RTN4RL1: variants seen among roughly 807,000 people sequenced by gnomAD.
The protein encoded by RTN4RL1 is reticulon-4 receptor-like 1.
A neutral mutation model predicts 25.6 loss-of-function variants in RTN4RL1; 7 were observed. The observed-to-expected ratio is 0.27, with a 90% confidence interval of 0.16 to 0.51. The LOEUF is 0.51. Ranked by LOEUF, RTN4RL1 falls within the 20% of genes least tolerant of loss-of-function variation. The pLI, the probability that RTN4RL1 is intolerant of heterozygous loss-of-function variation, is 0.97. For missense variants in RTN4RL1, 500 were observed against 615.6 expected, an observed-to-expected ratio of 0.81 and a Z score of 1.99; for synonymous variants, 297 against 288.2, an observed-to-expected ratio of 1.03 and a Z score of -0.31.
chr17:1,973,472 C>T (rs28475079), intron 1 of RTN4RL1, among the ~76,000 whole-genome samples: 37,177 of 149,542 alleles, frequency 0.25, 4,872 homozygotes, highest in Middle Eastern at 0.32. Flanking sequence ...GAGCCGGGAT[C>T]GCGCCATTGC....
Position 1,998,566 on chromosome 17 carries a change from G to A in RTN4RL1, c.13+26287C>T, listed in dbSNP as rs927817209. On this transcript the variant is annotated intron_variant, in intron 1 of 1. Coordinates refer to ENST00000331238, the MANE Select transcript of RTN4RL1 (RefSeq NM_178568.4). This position sits in a 1 kb window ranked among gnomAD's most constrained non-coding sequence, Gnocchi z 4.9. ...CTGCCGGATCCCCGGCGGCTTTCCT[G>A]CCCCCACTTTACAGACGTGAACGCT... Among the ~76,000 whole-genome samples the A allele has an allele frequency of 6.6e-6, 1 of 152,110 alleles. No homozygotes were observed. The highest frequency in any genetic ancestry group is 1.5e-5 in the Non-Finnish European group (1 of 68,006).
intron 1 of RTN4RL1, among the ~76,000 whole-genome samples, chr17:1,976,999 G>A (rs1301233727): frequency 6.6e-6 from 1 of 152,090 alleles, no homozygotes; most frequent in Admixed American, 6.5e-5. Context: ...TTACCATTGT[G>A]GCCTCTCAGA....
At chr17:2,000,713 T>C (rs1459701781) in intron 1 of RTN4RL1, among the ~76,000 whole-genome samples, 1 of 151,708 alleles carries the variant, frequency 6.6e-6, no homozygotes, top group Non-Finnish European at 1.5e-5. Flanking sequence ...AGAGATGGGG[T>C]TTCGCCATGT....
At chr17:1,962,311 A>C (rs1290277509) in intron 1 of RTN4RL1, among the ~76,000 whole-genome samples, 3 of 151,880 alleles carry the variant, frequency 2.0e-5, no homozygotes, top group Admixed American at 6.6e-5. Flanking sequence ...AAAAAAGAAA[A>C]GAAGTAAGAA....
At chr17:2,022,661 C>G (rs1462296824) in intron 1 of RTN4RL1, among the ~76,000 whole-genome samples, 9 of 152,210 alleles carry the variant, frequency 5.9e-5, no homozygotes, top group African/African-American at 2.2e-4. Flanking sequence ...AACTGCCTGC[C>G]CAGGAAAGAA....
chr17:1,961,744 A>T (rs542823397), intron 1 of RTN4RL1, among the ~76,000 whole-genome samples: 1 of 138,168 alleles, frequency 7.2e-6, no homozygotes, highest in African/African-American at 2.7e-5. Context: ...CCTGGCCAAC[A>T]TGGTGAAACC....
At chr17:1,954,400 T>G (rs149608988) in intron 1 of RTN4RL1, among the ~76,000 whole-genome samples, 49,182 of 136,266 alleles carry the variant, frequency 0.36, 4,659 homozygotes, top group Middle Eastern at 0.49. Flanking sequence ...TTTTTTTTTT[T>G]TTTTTGAGAT....
At chr17:1,999,274 C>T (rs1196805501) in intron 1 of RTN4RL1, among the ~76,000 whole-genome samples, 1 of 151,772 alleles carries the variant, frequency 6.6e-6, no homozygotes, top group Non-Finnish European at 1.5e-5. Context: ...GGTGAAACCC[C>T]GTCTCTACCA....
At chr17:1,941,609 G>C (rs961597313) in intron 1 of RTN4RL1, among the ~76,000 whole-genome samples, 4 of 152,146 alleles carry the variant, frequency 2.6e-5, no homozygotes, top group African/African-American at 7.2e-5. Flanking sequence ...CAGGCGGTGG[G>C]GGGGGATCCG....
intron 1 of RTN4RL1, among the ~76,000 whole-genome samples, chr17:1,986,748 TAA>T (rs56653579): frequency 2.7e-5 from 4 of 147,268 alleles, no homozygotes; most frequent in Admixed American, 6.7e-5. Context: ...TAATAGCCAT[TAA>T]AAAAAAAAAA....
At chr17:1,984,881 C>G (rs972549341) in intron 1 of RTN4RL1, among the ~76,000 whole-genome samples, 1 of 152,018 alleles carries the variant, frequency 6.6e-6, no homozygotes, top group African/African-American at 2.4e-5. Context: ...GCAGGTGAAT[C>G]GCTTGAACCC....
At chr17:1,950,942 GTTTGTTAA>G (rs983915005) in intron 1 of RTN4RL1, among the ~76,000 whole-genome samples, 2 of 148,488 alleles carry the variant, frequency 1.3e-5, no homozygotes, top group Admixed American at 1.4e-4. Context: ...GTGAAAGGAA[GTTTGTTAA>G]GAAAGTAAAG....
chr17:1,942,266 A>AT (rs1567848635), intron 1 of RTN4RL1, among the ~76,000 whole-genome samples: 1 of 151,946 alleles, frequency 6.6e-6, no homozygotes, highest in Non-Finnish European at 1.5e-5. Flanking sequence ...GCTCACCCGC[A>AT]TCTCTGAGGC....
intron 1 of RTN4RL1, among the ~76,000 whole-genome samples, chr17:1,976,163 G>C (rs562128986): frequency 1.3e-5 from 2 of 152,352 alleles, no homozygotes; most frequent in East Asian, 3.9e-4. Context: ...GATGGACTAT[G>C]TTCCCAGGAG....
chr17:2,014,378 A>G (rs973523024), intron 1 of RTN4RL1, among the ~76,000 whole-genome samples: 18 of 152,176 alleles, frequency 1.2e-4, no homozygotes, highest in Non-Finnish European at 1.9e-4. Flanking sequence ...GCAGAGCCCC[A>G]CAGAGCTCTC....
intron 1 of RTN4RL1, among the ~76,000 whole-genome samples, chr17:1,950,375 T>A (rs908152219): frequency 2.6e-5 from 4 of 152,068 alleles, no homozygotes; most frequent in Non-Finnish European, 4.4e-5. Context: ...GGTATCACTA[T>A]GAGACTGGAG....
intron 1 of RTN4RL1, among the ~76,000 whole-genome samples, chr17:1,959,173 A>G (rs977058840): frequency 2.6e-5 from 4 of 151,950 alleles, no homozygotes; most frequent in African/African-American, 4.8e-5. Context: ...AGACCCTTAT[A>G]CTCTGGGCAG....
chr17:1,977,296 C>G lies in RTN4RL1; in HGVS notation c.14-39488G>C, dbSNP rs1370801588. ...CAGGCAATAGAAAGGCAGAGTCAGG[C>G]CCGAGAGCGCCCCGCACCCACCCCA... On this transcript the variant is annotated intron_variant, in intron 1 of 1. Coordinates refer to ENST00000331238, the MANE Select transcript of RTN4RL1 (RefSeq NM_178568.4). Among the ~76,000 whole-genome samples the G allele has an allele frequency of 2.0e-5, 3 of 152,184 alleles. No individual in the cohort carries two copies. The East Asian group carries it at 5.8e-4, about 29-fold the overall frequency.
chr17:2,012,313 C>T (rs887059852), intron 1 of RTN4RL1, among the ~76,000 whole-genome samples: 5 of 152,244 alleles, frequency 3.3e-5, no homozygotes, highest in Non-Finnish European at 7.3e-5. Flanking sequence ...CCAGTCTTTC[C>T]GTGCCTGCTG....
Sources: allele counts gnomAD v4.1 joint callset (sites outside exome capture counted in the v4.1 genomes callset), GRCh38; gene constraint gnomAD v4.1.1; non-coding constraint Gnocchi (gnomAD v3.1); transcripts MANE v1.5; gene names NCBI Gene and HGNC (gene_info 2026-07-23, HGNC 2026-07-21).